The following SMYD3 variants were observed in gnomAD, a reference collection of about 807,000 sequenced individuals.
SMYD3 encodes histone-lysine N-methyltransferase SMYD3.
In SMYD3, 36 loss-of-function variants were observed where a neutral mutation model predicts 57.7. That is an observed-to-expected ratio of 0.62 (90% CI 0.48 to 0.82). SMYD3 has a LOEUF of 0.82. Ranked by LOEUF, SMYD3 falls within the 40% of genes least tolerant of loss-of-function variation. SMYD3 has a pLI of 0.00. For missense variants in SMYD3, 515 were observed against 538.8 expected (o/e 0.96, Z 0.44); for synonymous variants, 211 against 195.0 (o/e 1.08, Z -0.68).
At chr1:246,494,473 T>A (rs970209586) in intron 1 of SMYD3, among the ~76,000 whole-genome samples, 1 of 152,216 alleles carries the variant, frequency 6.6e-6, no homozygotes, top group African/African-American at 2.4e-5. Flanking sequence ...ATCTGGATAT[T>A]TTTAAATTCC....
chr1:245,841,957 A>G (rs1212084013), intron 10 of SMYD3, among the ~76,000 whole-genome samples: 1 of 152,124 alleles, frequency 6.6e-6, no homozygotes, highest in African/African-American at 2.4e-5. Context: ...ATTTTATGAC[A>G]TATTTTTGCC....
chr1:246,213,677 C>T (rs1572221372), intron 5 of SMYD3, among the ~76,000 whole-genome samples: 2 of 152,296 alleles, frequency 1.3e-5, no homozygotes, highest in East Asian at 3.9e-4. Flanking sequence ...ACCAGTCCCA[C>T]TCTGATGCTC....
chr1:246,268,429 G>A (rs1361914769), intron 5 of SMYD3, among the ~76,000 whole-genome samples: 1 of 152,164 alleles, frequency 6.6e-6, no homozygotes, highest in African/African-American at 2.4e-5. Context: ...GCCAGGCGCA[G>A]TGGCTCACGC....
chr1:246,195,050 C>T (rs1216004225), intron 5 of SMYD3, among the ~76,000 whole-genome samples: 1 of 152,182 alleles, frequency 6.6e-6, no homozygotes, highest in East Asian at 1.9e-4. Context: ...TTACTACATC[C>T]TAACCTCTCT....
chr1:246,220,786 G>A (rs2063241394), intron 5 of SMYD3, among the ~76,000 whole-genome samples: 1 of 152,156 alleles, frequency 6.6e-6, no homozygotes, highest in South Asian at 2.1e-4. Context: ...GGCCACCTAT[G>A]GACCAATCAG....
chr1:246,097,118 T>C (rs2060928476), intron 5 of SMYD3, among the ~76,000 whole-genome samples: 1 of 152,064 alleles, frequency 6.6e-6, no homozygotes, highest in South Asian at 2.1e-4. Context: ...ACGTGAAAAA[T>C]ATAGTTGTTC....
At chr1:245,799,598 T>C (rs1281104619) in intron 10 of SMYD3, among the ~76,000 whole-genome samples, 1 of 152,226 alleles carries the variant, frequency 6.6e-6, no homozygotes, top group Non-Finnish European at 1.5e-5. Context: ...TTTTATGTTT[T>C]ATTATAAAGT....
At chr1:245,803,410 C>A (rs1338274545) in intron 10 of SMYD3, among the ~76,000 whole-genome samples, 3 of 145,304 alleles carry the variant, frequency 2.1e-5, no homozygotes, top group Non-Finnish European at 4.4e-5. Flanking sequence ...ACCATATGAA[C>A]TGGCCAATTT....
At chr1:245,862,135 G>A (rs867684612) in intron 9 of SMYD3, among the ~76,000 whole-genome samples, 4 of 152,062 alleles carry the variant, frequency 2.6e-5, no homozygotes, top group East Asian at 1.9e-4. Context: ...CATAGACAGC[G>A]TTTCAAATCC....
chr1:246,484,935 GC>G (rs1572046978), intron 1 of SMYD3, among the ~76,000 whole-genome samples: 1 of 9,878 alleles, frequency 1.0e-4, no homozygotes, highest in Admixed American at 2.1e-3. Context: ...AAAACACATC[GC>G]CTCAACCAAA....
intron 5 of SMYD3, among the ~76,000 whole-genome samples, chr1:246,154,765 T>G (rs1032448387): frequency 2.0e-5 from 3 of 152,000 alleles, no homozygotes; most frequent in South Asian, 2.1e-4. Flanking sequence ...CAATGTTTTT[T>G]TTTTGTTTTG....
chr1:246,241,911 T>C (rs1228618756), intron 5 of SMYD3, among the ~76,000 whole-genome samples: 3 of 152,208 alleles, frequency 2.0e-5, no homozygotes, highest in Admixed American at 6.5e-5. Flanking sequence ...TGATGGTAGT[T>C]TGCATTTCTG....
At chr1:246,131,759 A>G (rs896722401) in intron 5 of SMYD3, among the ~76,000 whole-genome samples, 2 of 152,236 alleles carry the variant, frequency 1.3e-5, no homozygotes, top group Non-Finnish European at 2.9e-5. Flanking sequence ...TTTCCGGAGA[A>G]GTCTAGAACT....
intron 3 of SMYD3, among the ~76,000 whole-genome samples, chr1:246,332,444 A>C (rs186345061): frequency 1.6e-4 from 25 of 152,356 alleles, no homozygotes; most frequent in African/African-American, 6.0e-4. Flanking sequence ...AAAATTGCAG[A>C]AGAGAAGCTG....
intron 5 of SMYD3, among the ~76,000 whole-genome samples, chr1:246,240,138 T>C (rs553588251): frequency 3.3e-5 from 5 of 152,338 alleles, no homozygotes; most frequent in Non-Finnish European, 5.9e-5. Flanking sequence ...CCATTGCTTT[T>C]GCTGTTTTAG....
intron 5 of SMYD3, among the ~76,000 whole-genome samples, chr1:246,201,875 T>G (rs957170595): frequency 2.0e-5 from 3 of 152,054 alleles, no homozygotes; most frequent in African/African-American, 7.2e-5. Context: ...TAGCTGGGCG[T>G]GGTGGCTCAT....
chr1:246,225,409 G>C (rs997217139), intron 5 of SMYD3, among the ~76,000 whole-genome samples: 3 of 136,016 alleles, frequency 2.2e-5, no homozygotes, highest in East Asian at 2.0e-4. Context: ...AACCTTATTA[G>C]AACAACTGTA....
chr1:245,873,650 T>C (rs570808977), intron 8 of SMYD3, among the ~76,000 whole-genome samples: 1 of 152,206 alleles, frequency 6.6e-6, no homozygotes, highest in East Asian at 1.9e-4. Context: ...CCAACAGAGA[T>C]AAAAATGCTT....
chr1:245,956,469 T>G lies in SMYD3; in HGVS notation c.532-26532A>C, dbSNP rs372082462. Reference sequence around the variant, plus strand: ...AAGTGAGGGAGCAAAACAGGACGTGTGACGTGTTGGGTGCCTACCCCTAGC... The same window carrying G: ...AAGTGAGGGAGCAAAACAGGACGTGGGACGTGTTGGGTGCCTACCCCTAGC... On this transcript the variant is annotated intron_variant, in intron 5 of 11. Transcript: ENST00000490107. 5.7e-4 allele frequency among the ~76,000 whole-genome samples: 87 copies of G among 152,292 alleles called. 3 individuals carry two copies. The South Asian group carries it at 0.018, about 31-fold the overall frequency.
Sources: gnomAD v4.1 joint callset for allele counts (sites outside exome capture counted in the v4.1 genomes callset) on GRCh38, gnomAD v4.1.1 for gene constraint, MANE v1.5 for transcripts, NCBI Gene and HGNC (gene_info 2026-07-23, HGNC 2026-07-21) for gene names.